TNRC6A: variants seen among roughly 807,000 people sequenced by gnomAD.
The protein encoded by TNRC6A is trinucleotide repeat containing adaptor 6A, also known as trinucleotide repeat-containing gene 6A protein.
Under a neutral mutation model 221.2 loss-of-function variants are expected in TNRC6A, and 44 were observed. That is an observed-to-expected ratio of 0.20 (90% CI 0.16 to 0.26). The LOEUF (loss-of-function observed/expected upper bound fraction) is 0.26, where lower values mean the gene tolerates loss of function less well. TNRC6A is among the 10% of genes least tolerant of loss of function. The pLI, the probability that TNRC6A is intolerant of heterozygous loss-of-function variation, is 1.00. For synonymous variants in TNRC6A, 847 were observed against 838.5 expected, an observed-to-expected ratio of 1.01 and a Z score of -0.18; for missense variants, 2,199 against 2,404.4, an observed-to-expected ratio of 0.91 and a Z score of 1.79.
intron 2 of TNRC6A, among the ~76,000 whole-genome samples, chr16:24,664,627 A>G (rs1405207559): frequency 7.0e-6 from 1 of 142,864 alleles, no homozygotes; most frequent in South Asian, 2.1e-4. Context: ...ATATAAATAT[A>G]TATTATTAAT....
chr16:24,651,402 G>T (rs940632284), intron 2 of TNRC6A, among the ~76,000 whole-genome samples: 1 of 151,684 alleles, frequency 6.6e-6, no homozygotes, highest in African/African-American at 2.4e-5. Context: ...GCCACACATG[G>T]TGGCCTGTGC....
intron 11 of TNRC6A, among the ~76,000 whole-genome samples, chr16:24,800,032 C>T (rs2058300192): frequency 6.6e-6 from 1 of 152,114 alleles, no homozygotes; most frequent in Non-Finnish European, 1.5e-5. Flanking sequence ...GTTTGTTTGC[C>T]TGCTAGTTCA....
At chr16:24,613,921 C>A (rs1199719376) in intron 1 of TNRC6A, among the ~76,000 whole-genome samples, 2 of 152,220 alleles carry the variant, frequency 1.3e-5, no homozygotes, top group Non-Finnish European at 2.9e-5. Context: ...GTTTTTCTTG[C>A]ATTACAGACC....
rs1052470819 is a variant in TNRC6A, at chr16:24,612,867, G to A, written n.276+2383G>A. Among the ~76,000 whole-genome samples the A allele has an allele frequency of 1.3e-5, 2 of 152,118 alleles. 1 individual carries two copies. ...TGGGGTTTATAGTCCAGTGGGGAAG[G>A]CAGCTATTAAGTCATCACACAAGAT... On this transcript the variant is annotated intron_variant and non_coding_transcript_variant, in intron 1 of 2. Coordinates refer to the TNRC6A transcript ENST00000566108.
intron 2 of TNRC6A, among the ~76,000 whole-genome samples, chr16:24,676,910 G>A (rs969622450): frequency 6.6e-6 from 1 of 151,772 alleles, no homozygotes; most frequent in Non-Finnish European, 1.5e-5. Flanking sequence ...TTCCCCATGC[G>A]TTAGAAATTC....
chr16:24,656,769 C>G (rs770631998), intron 2 of TNRC6A, among the ~76,000 whole-genome samples: 3 of 152,014 alleles, frequency 2.0e-5, no homozygotes, highest in African/African-American at 4.8e-5. Flanking sequence ...AGGAACCCTA[C>G]CTTTCAAAAC....
At chr16:24,650,143 A>T (rs1404514760) in intron 2 of TNRC6A, among the ~76,000 whole-genome samples, 1 of 152,046 alleles carries the variant, frequency 6.6e-6, no homozygotes, top group Non-Finnish European at 1.5e-5. Context: ...TTAATTTACT[A>T]TTCTTGTCAT....
chr16:24,701,613 G>A (rs913030717), intron 2 of TNRC6A, among the ~76,000 whole-genome samples: 3 of 152,090 alleles, frequency 2.0e-5, no homozygotes, highest in Admixed American at 2.0e-4. Flanking sequence ...CGATCTGCCC[G>A]TCTCAGCCTC....
rs192924058 is a variant in TNRC6A at position 24,752,505 on chromosome 16, G to A, written c.141+1692G>A. ...TGCATAGGTATATGCCATGGTTAGG[G>A]TTTTGGTAGGCTTCTCGTGGTTTGG... On this transcript the variant is annotated intron_variant, in intron 3 of 24. Transcript: ENST00000395799. 1.2e-4 allele frequency among the ~76,000 whole-genome samples: 18 copies of A among 152,268 alleles called. No homozygotes were observed. The East Asian group carries it at 3.5e-3, about 29-fold the overall frequency.
intron 4 of TNRC6A, among the ~76,000 whole-genome samples, chr16:24,764,418 C>G (rs1341620066): frequency 2.6e-5 from 4 of 151,558 alleles, no homozygotes; most frequent in Non-Finnish European, 5.9e-5. Context: ...CCTCCACTTG[C>G]CGGGTTCAAA....
At chr16:24,809,324 T>A in intron 17 of TNRC6A, 26 bp from the exon 18 acceptor site, 1 of 1,483,764 alleles carries the variant, frequency 6.7e-7, no homozygotes, top group African/African-American at 1.4e-5. Flanking sequence ...TTTTCTAAGG[T>A]TTTGTTTTGT....
rs184157591 is a variant in TNRC6A at position 24,753,144 on chromosome 16, A to G, written c.141+2331A>G. ...CAGCTTATAAATAAGCCTGTAACACATGAGTGGTGATTATTGTGCCATTTG... is the reference window on the plus strand; with the variant it reads ...CAGCTTATAAATAAGCCTGTAACACGTGAGTGGTGATTATTGTGCCATTTG... On this transcript the variant is annotated intron_variant, in intron 3 of 24. Coordinates refer to ENST00000395799, the MANE Select transcript of TNRC6A (RefSeq NM_014494.4). 1.6e-3 allele frequency among the ~76,000 whole-genome samples: 248 copies of G among 152,336 alleles called. 3 individuals carry two copies. The highest frequency in any genetic ancestry group is 1.7e-3 in the East Asian group (9 of 5,192).
intron 2 of TNRC6A, among the ~76,000 whole-genome samples, chr16:24,674,322 T>C (rs1210746739): frequency 1.3e-5 from 2 of 152,112 alleles, no homozygotes; most frequent in Non-Finnish European, 2.9e-5. Context: ...AGAGGATCAC[T>C]TGAGCCCAGG....
At position 24,822,944 on chromosome 16, in the gene TNRC6A, C is replaced by T. The variant is rs2058796617; in HGVS notation, c.5444C>T (p.Pro1815Leu). 6.2e-7 allele frequency: 1 copy of T among 1,614,258 alleles called. No individual in the cohort carries two copies. The highest frequency in any genetic ancestry group is 8.5e-7 in the Non-Finnish European group (1 of 1,180,046). The change falls in exon 24 of 25, where the codon CCT becomes CTT. Residue 1815 changes from proline (P) to leucine (L), a missense_variant. Pro to Leu is a moderately conservative substitution (Grantham distance 98). Transcript: ENST00000395799. Reference protein sequence around the residue: ...GPLITFHLNLPHGNALVRYSS... With the variant: ...GPLITFHLNLLHGNALVRYSS... ...CTGATCACATTCCACCTGAACCTCC[C>T]TCACGGAAATGCTCTGGTCCGCTAC...
intron 2 of TNRC6A, among the ~76,000 whole-genome samples, chr16:24,730,728 C>A (rs2056615374): frequency 5.8e-5 from 2 of 34,210 alleles, no homozygotes; most frequent in Non-Finnish European, 5.9e-5. Flanking sequence ...ACTATGTGTT[C>A]GCATTCCCCC....
At chr16:24,729,576 T>C, upstream of TNRC6A, 5 of 389,206 alleles carry the variant, frequency 1.3e-5, no homozygotes, top group Non-Finnish European at 2.3e-5. Context: ...AATCTGCGGG[T>C]CCAGTTGCTA....
chr16:24,730,118 C>A, intron 1 of TNRC6A, 135 bp from the exon 2 acceptor site: 2 of 714,980 alleles, frequency 2.8e-6, no homozygotes, highest in Non-Finnish European at 4.1e-6. Flanking sequence ...CTTTGTGAGT[C>A]CCCCTCCCCC....
In TNRC6A at chr16:24,706,981, T is replaced by A. The variant is rs940734894; in HGVS notation, n.403-43745T>A. ...GATGTATTTATTTATTTATCTATTT[T>A]TATTTATGTATTTATTTATTTATTT... On this transcript the variant is annotated intron_variant and non_coding_transcript_variant, in intron 2 of 2. Coordinates refer to the TNRC6A transcript ENST00000566108. Among the ~76,000 whole-genome samples the A allele has an allele frequency of 8.9e-4, 74 of 83,474 alleles. 1 individual carries two copies. The highest frequency in any genetic ancestry group is 3.0e-3 in the African/African-American group (72 of 24,272). The allele number at this position is 83,474 out of a possible 152,430, so 54.8% of individuals were successfully genotyped here. A position where few individuals can be genotyped will look rare whatever the true frequency, so the allele number is the denominator to read the frequency against.
chr16:24,652,160 A>T (rs1302951490), intron 2 of TNRC6A, among the ~76,000 whole-genome samples: 1 of 152,066 alleles, frequency 6.6e-6, no homozygotes, highest in Non-Finnish European at 1.5e-5. Flanking sequence ...TGGATTTAAT[A>T]AGAAGAACGC....
Sources: gnomAD v4.1 joint callset for allele counts (sites outside exome capture counted in the v4.1 genomes callset) on GRCh38, gnomAD v4.1.1 for gene constraint, MANE v1.5 for transcripts, NCBI Gene and HGNC (gene_info 2026-07-23, HGNC 2026-07-21) for gene names.